The following ATF6 variants were observed in gnomAD, a reference collection of about 807,000 sequenced individuals.
ATF6 encodes the protein activating transcription factor 6.
In ATF6, 53 loss-of-function variants were observed where a neutral mutation model predicts 83.6. That is an observed-to-expected ratio of 0.63 (90% confidence interval 0.51 to 0.80). The LOEUF is 0.80. ATF6 is among the 30% of genes least tolerant of loss of function. The probability of loss-of-function intolerance (pLI) is 0.00; values close to 1 mark genes in which losing one functional copy is unlikely to be tolerated. For synonymous variants in ATF6, 288 were observed against 285.8 expected (o/e 1.01, Z -0.08); for missense variants, 744 against 797.9 (o/e 0.93, Z 0.81).
chr1:161,916,489 AC>A (rs1439998772), intron 15 of ATF6, among the ~76,000 whole-genome samples: 2 of 152,202 alleles, frequency 1.3e-5, no homozygotes, highest in Non-Finnish European at 2.9e-5. Context: ...TATAGAAAGG[AC>A]TTTCTCTTGC....
At chr1:161,907,087 C>T (rs1457034018) in intron 14 of ATF6, among the ~76,000 whole-genome samples, 3 of 152,074 alleles carry the variant, frequency 2.0e-5, no homozygotes, top group African/African-American at 7.2e-5. Context: ...AATGAATGAG[C>T]ACATTTGGTT....
chr1:161,865,734 T>C (rs547796362), intron 14 of ATF6, among the ~76,000 whole-genome samples: 29 of 152,344 alleles, frequency 1.9e-4, no homozygotes, highest in African/African-American at 6.3e-4. Context: ...TATCACATTT[T>C]GGTGTTTTAT....
intron 15 of ATF6, among the ~76,000 whole-genome samples, chr1:161,930,954 G>A (rs1226778280): frequency 6.6e-6 from 1 of 151,824 alleles, no homozygotes; most frequent in African/African-American, 2.4e-5. Context: ...GTGCAGTGGT[G>A]TGGTCTTGGC....
chr1:161,799,956 A>C (rs919874620), intron 6 of ATF6, among the ~76,000 whole-genome samples: 2 of 152,206 alleles, frequency 1.3e-5, no homozygotes, highest in Non-Finnish European at 2.9e-5. Flanking sequence ...TCTTAAACAA[A>C]TTATAAATTT....
chr1:161,912,117 A>G (rs1315235883), intron 14 of ATF6, among the ~76,000 whole-genome samples, 179 bp from the exon 15 acceptor site: 1 of 152,210 alleles, frequency 6.6e-6, no homozygotes, highest in Non-Finnish European at 1.5e-5. Flanking sequence ...GTAAATGTGT[A>G]TTACATTAAT....
intron 15 of ATF6, among the ~76,000 whole-genome samples, chr1:161,941,131 C>T (rs1350447547): frequency 6.6e-6 from 1 of 152,228 alleles, no homozygotes; most frequent in Admixed American, 6.5e-5. Flanking sequence ...AGAGCATCAC[C>T]TCTGCCTTAC....
intron 15 of ATF6, among the ~76,000 whole-genome samples, chr1:161,913,334 C>G (rs1688028456): frequency 6.6e-6 from 1 of 152,106 alleles, no homozygotes; most frequent in South Asian, 2.1e-4. Flanking sequence ...ATTAAACCTT[C>G]AAATACAATT....
chr1:161,813,656 TATA>T (rs1289258073), intron 7 of ATF6, among the ~76,000 whole-genome samples: 1 of 152,232 alleles, frequency 6.6e-6, no homozygotes, highest in Non-Finnish European at 1.5e-5. Context: ...GATATTGGGT[TATA>T]ATAATGTCAT....
chr1:161,834,969 C>T (rs1686176620), intron 9 of ATF6, among the ~76,000 whole-genome samples: 2 of 152,164 alleles, frequency 1.3e-5, no homozygotes, highest in Non-Finnish European at 2.9e-5. Flanking sequence ...GACATATTGA[C>T]ATCTGCAGCT....
At chr1:161,833,698 T>C (rs1686134116) in intron 9 of ATF6, among the ~76,000 whole-genome samples, 2 of 151,686 alleles carry the variant, frequency 1.3e-5, no homozygotes, top group Admixed American at 1.3e-4. Flanking sequence ...TGAAGAGAAG[T>C]TTAGAGAAAA....
intron 1 of ATF6, among the ~76,000 whole-genome samples, chr1:161,768,467 A>G (rs1181499292): frequency 6.6e-6 from 1 of 152,228 alleles, no homozygotes; most frequent in Non-Finnish European, 1.5e-5. Flanking sequence ...TTTGTTGGCA[A>G]TAGAGTGAAA....
rs1295267171 is a variant in ATF6 at position 161,960,498 on chromosome 1, ACT to A, written c.*1849_*1850del. The A allele has an allele frequency of 6.6e-6, 1 of 152,170 alleles. No individual in the cohort carries two copies. Among genetic ancestry groups the A allele is most frequent in the African/African-American group, 2.4e-5 (1 of 41,426 alleles). 9.4% of individuals were successfully genotyped at this position (152,170 alleles called of 1,614,324 possible). On this transcript the variant is annotated 3_prime_UTR_variant, in exon 16 of 16. Transcript: ENST00000367942. The stretch of plus-strand genomic sequence containing the variant: ...TTTTAAAGAACCATCAGCACTTCTA[ACT>A]CTCTGGACAGGTGCCTCTTTGTCCA...
At chr1:161,895,589 G>C (rs369634502) in intron 14 of ATF6, among the ~76,000 whole-genome samples, 1 of 152,198 alleles carries the variant, frequency 6.6e-6, no homozygotes, top group Non-Finnish European at 1.5e-5. Flanking sequence ...GGCAGGAATT[G>C]TGATTAGAGT....
intron 1 of ATF6, among the ~76,000 whole-genome samples, chr1:161,767,802 G>A (rs1018912458): frequency 6.6e-6 from 1 of 152,166 alleles, no homozygotes; most frequent in African/African-American, 2.4e-5. Context: ...ATATTGGGTA[G>A]TTATGATTTA....
chr1:161,902,877 T>G (rs996624688), intron 14 of ATF6, among the ~76,000 whole-genome samples: 1 of 152,138 alleles, frequency 6.6e-6, no homozygotes, highest in African/African-American at 2.4e-5. Flanking sequence ...ACAATTTAAC[T>G]AAGGTGGCTA....
At position 161,963,531 on chromosome 1, in the gene ATF6, A is replaced by G. The variant is rs1689144304; in HGVS notation, c.*4877A>G. 6.6e-6 allele frequency: 1 copy of G among 152,204 alleles called. No individual in the cohort carries two copies. Among genetic ancestry groups the G allele is most frequent in the South Asian group, 2.1e-4 (1 of 4,832 alleles). 9.4% of individuals were successfully genotyped at this position (152,204 alleles called of 1,614,324 possible). On this transcript the variant is annotated 3_prime_UTR_variant, in exon 16 of 16. Coordinates refer to ENST00000367942, the MANE Select transcript of ATF6 (RefSeq NM_007348.4). The stretch of plus-strand genomic sequence containing the variant: ...TTTGCCAAGGCCAACAAACAACACT[A>G]TTGTGCTGTTTGCTCTCAATGAAGT...
chr1:161,812,371 CTTT>C (rs869240831), intron 7 of ATF6, among the ~76,000 whole-genome samples: 1 of 34,340 alleles, frequency 2.9e-5, no homozygotes, highest in African/African-American at 1.0e-4. Context: ...CAGGTATTTT[CTTT>C]TTTTTTTTTT....
intron 14 of ATF6, among the ~76,000 whole-genome samples, chr1:161,863,745 T>C (rs1166839619): frequency 1.3e-5 from 2 of 152,242 alleles, no homozygotes; most frequent in African/African-American, 4.8e-5. Flanking sequence ...AATTGTGGAA[T>C]GTTTGGATCT....
intron 9 of ATF6, among the ~76,000 whole-genome samples, chr1:161,827,577 A>G (rs1322686568): frequency 6.6e-5 from 10 of 152,172 alleles, no homozygotes; most frequent in East Asian, 5.8e-4. Context: ...ATTACCGAGT[A>G]AAGTGATTAA....
Sources: allele counts gnomAD v4.1 joint callset (sites outside exome capture counted in the v4.1 genomes callset), GRCh38; gene constraint gnomAD v4.1.1; transcripts MANE v1.5; gene names NCBI Gene and HGNC (gene_info 2026-07-23, HGNC 2026-07-21).